SHROOM3: variants seen among roughly 807,000 people sequenced by gnomAD.
SHROOM3 encodes shroom family member 3, also known as protein Shroom3.
A neutral mutation model predicts 138.6 loss-of-function variants in SHROOM3; 47 were observed. The ratio of observed to expected loss-of-function variants is 0.34; its 90% CI spans 0.27 to 0.43. The LOEUF (loss-of-function observed/expected upper bound fraction) is 0.43. SHROOM3 is among the 20% of genes least tolerant of loss of function. SHROOM3 has a pLI of 1.00. For synonymous variants in SHROOM3, 1,062 were observed against 1,063.3 expected (o/e 1.00, Z 0.02); for missense variants, 2,491 against 2,596.5 (o/e 0.96, Z 0.88).
rs149677402 is a variant in SHROOM3 at position 76,443,617 on chromosome 4, A to G, written c.168+7397A>G. On this transcript the variant is annotated intron_variant, in intron 1 of 10. Coordinates refer to ENST00000296043, the MANE Select transcript of SHROOM3 (RefSeq NM_020859.4). ...TCCATCTCTTGTGCTCTGACATCCC[A>G]GGCACTTCTCAATGAAACAAAATGA... is the stretch of plus-strand genomic sequence containing the variant. Among the ~76,000 whole-genome samples the G allele has an allele frequency of 5.9e-5, 9 of 152,294 alleles. No homozygotes were observed. In the East Asian group the frequency reaches 1.7e-3, roughly 29 times the overall value.
intron 1 of SHROOM3, among the ~76,000 whole-genome samples, chr4:76,487,729 C>T (rs1731761940): frequency 6.7e-6 from 1 of 149,908 alleles, no homozygotes; most frequent in Non-Finnish European, 1.5e-5. Flanking sequence ...TTTGCTACTG[C>T]ACTTGGAACA....
intron 2 of SHROOM3, among the ~76,000 whole-genome samples, chr4:76,589,210 G>A (rs879944030): frequency 4.6e-5 from 7 of 152,254 alleles, no homozygotes; most frequent in Admixed American, 1.3e-4. Context: ...GCTGACGCCT[G>A]TAATCCCAGC....
intron 3 of SHROOM3, among the ~76,000 whole-genome samples, chr4:76,718,931 A>G (rs1560600812): frequency 1.3e-5 from 2 of 152,154 alleles, no homozygotes; most frequent in Non-Finnish European, 1.5e-5. Context: ...CTCAAAGGCA[A>G]TCTTTTATGG....
intron 6 of SHROOM3, among the ~76,000 whole-genome samples, chr4:76,750,983 C>T: frequency 6.6e-6 from 1 of 152,096 alleles, no homozygotes; most frequent in Admixed American, 6.6e-5. Flanking sequence ...AATTTCAGGA[C>T]ATGTAATTCT....
chr4:76,611,483 A>T (rs1408163533), intron 2 of SHROOM3, among the ~76,000 whole-genome samples: 1 of 152,112 alleles, frequency 6.6e-6, no homozygotes, highest in African/African-American at 2.4e-5. Flanking sequence ...ATTTAGCAAA[A>T]GTGAGAAAAC....
intron 9 of SHROOM3, among the ~76,000 whole-genome samples, chr4:76,766,422 T>A (rs1418533672): frequency 6.6e-6 from 1 of 152,152 alleles, no homozygotes; most frequent in Non-Finnish European, 1.5e-5. Context: ...CAGAGGACAT[T>A]TCTGCAGAGG....
chr4:76,454,326 G>A (rs895112341), intron 1 of SHROOM3, among the ~76,000 whole-genome samples: 23 of 152,192 alleles, frequency 1.5e-4, no homozygotes, highest in African/African-American at 5.3e-4. Context: ...TTACAGGTGT[G>A]AGCCACTGCA....
intron 3 of SHROOM3, 103 bp downstream of exon 3, chr4:76,710,390 A>G (rs1720196783): frequency 7.0e-7 from 1 of 1,419,730 alleles, no homozygotes; most frequent in Non-Finnish European, 9.7e-7. Context: ...TGGTCAGGAT[A>G]CAGGCTGTTG....
chr4:76,765,750 A>G (rs1341499598), intron 9 of SHROOM3, among the ~76,000 whole-genome samples: 3 of 152,208 alleles, frequency 2.0e-5, no homozygotes, highest in African/African-American at 7.2e-5. Flanking sequence ...CACAAAAAAT[A>G]TAATTAGAAT....
intron 1 of SHROOM3, among the ~76,000 whole-genome samples, chr4:76,473,834 T>G (rs924317332): frequency 3.3e-5 from 5 of 152,130 alleles, no homozygotes; most frequent in Non-Finnish European, 7.3e-5. Flanking sequence ...GGCCAGGATG[T>G]GAAGAAATTA....
intron 1 of SHROOM3, among the ~76,000 whole-genome samples, chr4:76,501,917 T>G (rs1009843102): frequency 6.6e-6 from 1 of 152,190 alleles, no homozygotes; most frequent in Admixed American, 6.5e-5. Flanking sequence ...AAGTAACGTA[T>G]TTCCCTGATG....
chr4:76,750,031 A>G (rs1213930042), intron 6 of SHROOM3, among the ~76,000 whole-genome samples: 4 of 152,098 alleles, frequency 2.6e-5, no homozygotes, highest in Non-Finnish European at 5.9e-5. Flanking sequence ...TAATAACACA[A>G]CCTAATTCTG....
intron 2 of SHROOM3, among the ~76,000 whole-genome samples, chr4:76,648,876 G>A (rs1478768702): frequency 6.6e-6 from 1 of 152,112 alleles, no homozygotes; most frequent in South Asian, 2.1e-4. Context: ...AGCATATGAT[G>A]GGGGGAGCTG....
At chr4:76,471,751 C>G (rs186616402) in intron 1 of SHROOM3, among the ~76,000 whole-genome samples, 1 of 152,194 alleles carries the variant, frequency 6.6e-6, no homozygotes, top group Non-Finnish European at 1.5e-5. Flanking sequence ...TTTTTGAACA[C>G]TTACTGCTCC....
At chr4:76,775,236 C>T (rs1174288693) in intron 10 of SHROOM3, among the ~76,000 whole-genome samples, 4 of 152,106 alleles carry the variant, frequency 2.6e-5, no homozygotes, top group Admixed American at 6.6e-5. Context: ...AGTCACTTCA[C>T]TTAGAATAAT....
intron 10 of SHROOM3, among the ~76,000 whole-genome samples, chr4:76,775,516 A>C (rs572337865): frequency 3.9e-5 from 6 of 152,122 alleles, no homozygotes; most frequent in African/African-American, 1.4e-4. Flanking sequence ...AAGTACATCT[A>C]TCATTTGATC....
At chr4:76,689,401 G>A (rs1283435454) in intron 2 of SHROOM3, among the ~76,000 whole-genome samples, 2 of 135,454 alleles carry the variant, frequency 1.5e-5, no homozygotes, top group African/African-American at 5.2e-5. Flanking sequence ...CGGGTGCGGC[G>A]GGCGCGGGGT....
intron 2 of SHROOM3, among the ~76,000 whole-genome samples, chr4:76,674,090 T>C (rs995036400): frequency 6.6e-6 from 1 of 151,998 alleles, no homozygotes; most frequent in South Asian, 2.1e-4. Flanking sequence ...ACCAGGCTGG[T>C]CTGAAACTCC....
intron 9 of SHROOM3, among the ~76,000 whole-genome samples, chr4:76,766,948 A>C (rs546784978): frequency 2.6e-5 from 4 of 152,134 alleles, no homozygotes; most frequent in Non-Finnish European, 4.4e-5. Flanking sequence ...TTTCCACAGA[A>C]GCCTCCCTGC....
Sources: allele counts gnomAD v4.1 joint callset (sites outside exome capture counted in the v4.1 genomes callset), GRCh38; gene constraint gnomAD v4.1.1; transcripts MANE v1.5; gene names NCBI Gene and HGNC (gene_info 2026-07-23, HGNC 2026-07-21).